Variants in MISFA observed in about 807,000 individuals in gnomAD.
The protein encoded by MISFA is mitochondrial sheath formation-associated protein.
chr11:18,601,602 G>C, the MISFA span: 1 of 397,824 alleles, frequency 2.5e-6, no homozygotes, highest in Non-Finnish European at 4.4e-6. Flanking sequence ...TAGAGACAAG[G>C]TGTCACTATG....
the MISFA span, chr11:18,608,434 A>T: frequency 6.6e-6 from 1 of 152,320 alleles, no homozygotes; most frequent in Non-Finnish European, 1.5e-5. Flanking sequence ...GGCCTGTTGT[A>T]GGACAATCCC....
chr11:18,604,311 A>C, the MISFA span, among the ~76,000 whole-genome samples: 1 of 151,982 alleles, frequency 6.6e-6, no homozygotes, highest in Non-Finnish European at 1.5e-5. Context: ...AGTTGAGTGG[A>C]TGGGAGACAA....
the MISFA span, among the ~76,000 whole-genome samples, chr11:18,600,507 A>C: frequency 2.6e-5 from 3 of 115,446 alleles, no homozygotes; most frequent in Non-Finnish European, 3.5e-5. Flanking sequence ...CTGGCTGGGG[A>C]CATCCTTTTT....
the MISFA span, chr11:18,609,342 TA>T: frequency 6.5e-6 from 1 of 153,440 alleles, no homozygotes; most frequent in Non-Finnish European, 1.5e-5. Flanking sequence ...ATGATAGTTA[TA>T]AATTCTACTC....
At chr11:18,606,664 G>T in the MISFA span, 3 of 396,036 alleles carry the variant, frequency 7.6e-6, no homozygotes, top group Non-Finnish European at 1.4e-5. Flanking sequence ...ATAAATAGTA[G>T]TCTAATATAT....
chr11:18,609,717 G>A, the MISFA span: 1 of 674,656 alleles, frequency 1.5e-6, no homozygotes, highest in South Asian at 1.9e-5. Context: ...ATGCTCAAAT[G>A]ACAGCCTGCA....
the MISFA span, among the ~76,000 whole-genome samples, chr11:18,606,144 C>T: frequency 1.3e-5 from 2 of 152,210 alleles, no homozygotes; most frequent in East Asian, 3.8e-4. Flanking sequence ...GATTCCATTG[C>T]TCTGACCACC....
the MISFA span, chr11:18,603,046 C>G: frequency 2.5e-6 from 1 of 398,404 alleles, no homozygotes; most frequent in East Asian, 3.6e-5. Flanking sequence ...TCCTACGACT[C>G]AGGGAATAGA....
At chr11:18,603,555 T>C in the MISFA span, among the ~76,000 whole-genome samples, 1 of 152,232 alleles carries the variant, frequency 6.6e-6, no homozygotes, top group East Asian at 1.9e-4. Context: ...CTCTTTTCTC[T>C]CTCCTCCTGC....
chr11:18,606,630 T>A, the MISFA span: 1 of 371,062 alleles, frequency 2.7e-6, no homozygotes, highest in Non-Finnish European at 5.1e-6. Flanking sequence ...AACGTCTGAA[T>A]ATTTAATCAC....
chr11:18,606,840 TA>T, the MISFA span: 1 of 365,034 alleles, frequency 2.7e-6, no homozygotes, highest in African/African-American at 2.3e-5. Context: ...GGGATTACAT[TA>T]AAAATGAAAA....
At chr11:18,609,262 G>A in the MISFA span, 1 of 152,698 alleles carries the variant, frequency 6.5e-6, no homozygotes, top group Non-Finnish European at 1.5e-5. Flanking sequence ...GAGTAAGAAT[G>A]CTCAGCATCC....
At chr11:18,601,787 T>G in the MISFA span, 2 of 363,434 alleles carry the variant, frequency 5.5e-6, no homozygotes, top group Non-Finnish European at 9.7e-6. Flanking sequence ...AGGTCCTAAC[T>G]TTGTGACTTT....
chr11:18,603,902 T>G, the MISFA span: 1 of 359,714 alleles, frequency 2.8e-6, no homozygotes, highest in Non-Finnish European at 4.9e-6. Context: ...TATTTTATGT[T>G]AAGAAGTTAC....
the MISFA span, chr11:18,608,289 C>T: frequency 3.3e-5 from 5 of 152,430 alleles, no homozygotes; most frequent in Non-Finnish European, 5.9e-5. Flanking sequence ...AAAATGAGTC[C>T]GTCTTAAAAG....
chr11:18,607,522 C>A, the MISFA span: 1 of 152,482 alleles, frequency 6.6e-6, no homozygotes, highest in African/African-American at 2.4e-5. Context: ...TTAAGAAAAT[C>A]CAAAAATCAA....
chr11:18,605,171 T>TG, the MISFA span, among the ~76,000 whole-genome samples: 1 of 149,870 alleles, frequency 6.7e-6, no homozygotes, highest in African/African-American at 2.5e-5. Flanking sequence ...ACCCGGGAGG[T>TG]GGGGGTTACA....
At chr11:18,599,992 T>C in the MISFA span, 2 of 398,846 alleles carry the variant, frequency 5.0e-6, no homozygotes, top group Non-Finnish European at 8.8e-6. Flanking sequence ...GTTTCCAGAG[T>C]TGATGGTAAG....
the MISFA span, among the ~76,000 whole-genome samples, chr11:18,604,740 C>G: frequency 6.6e-6 from 1 of 152,196 alleles, no homozygotes; most frequent in African/African-American, 2.4e-5. Flanking sequence ...AAATAACCTT[C>G]TGAAGCTATT....
Sources: allele counts gnomAD v4.1 joint callset (sites outside exome capture counted in the v4.1 genomes callset), GRCh38; gene constraint gnomAD v4.1.1; transcripts MANE v1.5; gene names NCBI Gene and HGNC (gene_info 2026-07-23, HGNC 2026-07-21).